The following PRELID2 variants were observed in gnomAD, a reference collection of about 807,000 sequenced individuals.
The protein encoded by PRELID2 is PRELI domain containing 2.
In PRELID2, 25 loss-of-function variants were observed where a neutral mutation model predicts 28.4. The observed-to-expected ratio is 0.88, with a 90% CI of 0.64 to 1.23. The LOEUF is 1.23. PRELID2 is among the 50% of genes most tolerant of loss of function. The pLI is 0.00. For missense variants in PRELID2, 201 were observed against 214.4 expected (o/e 0.94, Z 0.39); for synonymous variants, 76 against 71.6 (o/e 1.06, Z -0.31).
At chr5:145,448,898 C>T in the PRELID2 span, among the ~76,000 whole-genome samples, 3 of 152,116 alleles carry the variant, frequency 2.0e-5, no homozygotes, top group African/African-American at 7.2e-5. Context: ...TCATAGAGTA[C>T]TGTATTTGAA....
intron 1 of PRELID2, among the ~76,000 whole-genome samples, chr5:145,694,318 TA>T (rs1256711274): frequency 6.6e-6 from 1 of 152,172 alleles, no homozygotes; most frequent in East Asian, 1.9e-4. Flanking sequence ...TCAATGGGAT[TA>T]AGGGTAATTT....
At chr5:145,410,533 C>G in the PRELID2 span, among the ~76,000 whole-genome samples, 1 of 152,176 alleles carries the variant, frequency 6.6e-6, no homozygotes, top group South Asian at 2.1e-4. Context: ...AACTTACAAT[C>G]ATGGCAGAAA....
At chr5:145,689,306 G>A (rs73302055) in intron 1 of PRELID2, among the ~76,000 whole-genome samples, 19,899 of 151,630 alleles carry the variant, frequency 0.13, 2,066 homozygotes, top group African/African-American at 0.27. Flanking sequence ...TTAAAAAAAA[G>A]AAAAACTGCA....
At chr5:145,394,005 T>A in the PRELID2 span, among the ~76,000 whole-genome samples, 1 of 152,148 alleles carries the variant, frequency 6.6e-6, no homozygotes, top group Admixed American at 6.5e-5. Flanking sequence ...AGTTCAACCA[T>A]TGTGGAAGTC....
At chr5:145,664,379 TGAA>T (rs1265990242) in intron 1 of PRELID2, among the ~76,000 whole-genome samples, 2 of 152,172 alleles carry the variant, frequency 1.3e-5, no homozygotes, top group Admixed American at 6.6e-5. Context: ...AGAAGCAGAA[TGAA>T]GAAGGCCATC....
chr5:145,229,297 G>A, the PRELID2 span: 11 of 749,450 alleles, frequency 1.5e-5, no homozygotes, highest in Admixed American at 3.4e-5. Flanking sequence ...GCAGTGACCT[G>A]ATGGAATATG....
intron 1 of PRELID2, among the ~76,000 whole-genome samples, chr5:145,482,932 C>T (rs758878452): frequency 1.3e-5 from 2 of 151,910 alleles, no homozygotes; most frequent in African/African-American, 4.8e-5. Flanking sequence ...AGAGCTCAGG[C>T]GGTAATGCGT....
chr5:145,419,629 A>G, the PRELID2 span, among the ~76,000 whole-genome samples: 1 of 151,366 alleles, frequency 6.6e-6, no homozygotes, highest in East Asian at 1.9e-4. Flanking sequence ...TCTGGATATT[A>G]GCCCTTTGTC....
intron 1 of PRELID2, among the ~76,000 whole-genome samples, chr5:145,708,053 T>A (rs1357483716): frequency 6.6e-6 from 1 of 152,200 alleles, no homozygotes; most frequent in Non-Finnish European, 1.5e-5. Context: ...GATTATTCCA[T>A]GTATCTGATG....
the PRELID2 span, among the ~76,000 whole-genome samples, chr5:145,400,830 T>C: frequency 1.3e-5 from 2 of 152,130 alleles, no homozygotes; most frequent in African/African-American, 4.8e-5. Flanking sequence ...TGGGACAGAA[T>C]TTCAAAGCAT....
chr5:145,358,022 G>A, the PRELID2 span, among the ~76,000 whole-genome samples: 2 of 151,864 alleles, frequency 1.3e-5, no homozygotes, highest in Admixed American at 6.6e-5. Context: ...GGTCTTGGAC[G>A]AGCCCTCTCT....
intron 1 of PRELID2, among the ~76,000 whole-genome samples, chr5:145,716,658 A>G (rs1490853021): frequency 6.6e-6 from 1 of 152,120 alleles, no homozygotes; most frequent in Non-Finnish European, 1.5e-5. Context: ...TTGCAACCAA[A>G]GTATATACGC....
intron 1 of PRELID2, among the ~76,000 whole-genome samples, chr5:145,718,140 C>A (rs1005890961): frequency 6.6e-6 from 1 of 151,848 alleles, no homozygotes; most frequent in African/African-American, 2.4e-5. Flanking sequence ...AAAGTAGAGG[C>A]ATTATCTGTA....
chr5:145,375,436 G>A, the PRELID2 span, among the ~76,000 whole-genome samples: 2 of 152,142 alleles, frequency 1.3e-5, no homozygotes, highest in South Asian at 4.1e-4. Context: ...ATCCTTGTTG[G>A]AGGGTCTCAC....
chr5:145,568,608 T>C (rs1316828188), intron 1 of PRELID2, among the ~76,000 whole-genome samples: 1 of 152,218 alleles, frequency 6.6e-6, no homozygotes, highest in African/African-American at 2.4e-5. Flanking sequence ...TCTTTCTCTT[T>C]TAGAATTTCT....
chr5:145,491,412 C>T (rs1211576915), intron 1 of PRELID2, among the ~76,000 whole-genome samples: 3 of 152,084 alleles, frequency 2.0e-5, no homozygotes, highest in East Asian at 1.9e-4. Context: ...CCTTTATTCC[C>T]TTAATTTATA....
At chr5:145,332,682 G>A in the PRELID2 span, among the ~76,000 whole-genome samples, 2 of 151,298 alleles carry the variant, frequency 1.3e-5, no homozygotes, top group African/African-American at 4.9e-5. Flanking sequence ...CTTTTTTAAA[G>A]GTTCTTAGCT....
At chr5:145,590,019 A>G (rs557901651) in intron 1 of PRELID2, among the ~76,000 whole-genome samples, 4 of 152,212 alleles carry the variant, frequency 2.6e-5, no homozygotes, top group African/African-American at 4.8e-5. Context: ...TGAATTATGT[A>G]CTAGGATTAC....
intron 1 of PRELID2, among the ~76,000 whole-genome samples, chr5:145,750,457 A>G (rs912643121): frequency 6.6e-6 from 1 of 152,066 alleles, no homozygotes; most frequent in Non-Finnish European, 1.5e-5. Context: ...ACATTATGCA[A>G]TCCCTAAATT....
Sources: allele counts gnomAD v4.1 joint callset (sites outside exome capture counted in the v4.1 genomes callset), GRCh38; gene constraint gnomAD v4.1.1; transcripts MANE v1.5; gene names NCBI Gene and HGNC (gene_info 2026-07-23, HGNC 2026-07-21).